Variants in PMP22 observed in about 807,000 individuals in gnomAD.
PMP22 encodes the protein Charcot-Marie-Tooth neuropathy 1A (greatly reduced nerve conduction velocity, hereditary motor sensory neuropathy Ia).
In PMP22, 2 loss-of-function variants were observed where a neutral mutation model predicts 18.9. The observed-to-expected ratio is 0.11, with a 90% CI of 0.04 to 0.33. PMP22 has a LOEUF of 0.33. Among genes scored for constraint, PMP22 ranks in the 10% least tolerant of loss-of-function variants. The pLI is 1.00. For synonymous variants in PMP22, 95 were observed against 89.2 expected (o/e 1.07, Z -0.37); for missense variants, 169 against 202.2 (o/e 0.84, Z 1.00).
intron 4 of PMP22, among the ~76,000 whole-genome samples, chr17:15,235,903 C>T (rs1019401179): frequency 4.6e-5 from 7 of 151,984 alleles, no homozygotes. Context: ...TACAGGCACG[C>T]ACCACCACGC....
Position 15,256,566 on chromosome 17 carries a change from A to T in PMP22, c.178+2528T>A, listed in dbSNP as rs1908848948. On this transcript the variant is annotated intron_variant, in intron 3 of 4. Coordinates refer to ENST00000312280, the MANE Select transcript of PMP22 (RefSeq NM_000304.4). ...TGAGGCAGGAAAATCGCTTGAACCCAGGAGGTGGAGGTTGTAGTCAGCCGA... is the reference window on the plus strand; with the variant it reads ...TGAGGCAGGAAAATCGCTTGAACCCTGGAGGTGGAGGTTGTAGTCAGCCGA... Among the ~76,000 whole-genome samples, 5 of 152,150 alleles carry T rather than the reference A, an allele frequency of 3.3e-5. No individual in the cohort carries two copies. The South Asian group carries it at 1.0e-3, about 32-fold the overall frequency.
At chr17:15,239,157 T>A (rs1907066795) in intron 4 of PMP22, among the ~76,000 whole-genome samples, 1 of 152,240 alleles carries the variant, frequency 6.6e-6, no homozygotes, top group Non-Finnish European at 1.5e-5. Flanking sequence ...CACCTCTGAT[T>A]ATGTGTCCAG....
At chr17:15,256,844 G>A (rs1341383002) in intron 3 of PMP22, among the ~76,000 whole-genome samples, 1 of 152,182 alleles carries the variant, frequency 6.6e-6, no homozygotes, top group Non-Finnish European at 1.5e-5. Context: ...AGAGGCCCTG[G>A]AGGATTCGCC....
At chr17:15,238,748 C>T (rs928574171) in intron 4 of PMP22, among the ~76,000 whole-genome samples, 1 of 151,544 alleles carries the variant, frequency 6.6e-6, no homozygotes, top group African/African-American at 2.5e-5. Context: ...CCCTGTGTAA[C>T]AGAAGTTTCT....
At chr17:15,253,927 G>A (rs1025551331) in intron 3 of PMP22, among the ~76,000 whole-genome samples, 1 of 152,136 alleles carries the variant, frequency 6.6e-6, no homozygotes, top group South Asian at 2.1e-4. Flanking sequence ...ATAAGCTCTT[G>A]TTCACTCTTG....
At chr17:15,257,854 C>T (rs559763927) in intron 3 of PMP22, among the ~76,000 whole-genome samples, 82 of 152,314 alleles carry the variant, frequency 5.4e-4, no homozygotes, top group Non-Finnish European at 7.4e-4. Context: ...CTACTCCTTG[C>T]GTATCTTCTC....
intron 4 of PMP22, among the ~76,000 whole-genome samples, chr17:15,236,684 T>C (rs138276714): frequency 6.6e-6 from 1 of 152,328 alleles, no homozygotes; most frequent in African/African-American, 2.4e-5. Flanking sequence ...TCTACTTAGC[T>C]CTCTAATTAC....
At chr17:15,252,396 T>TTGCTGCTGCTGC (rs111928632) in intron 3 of PMP22, among the ~76,000 whole-genome samples, 4 of 151,090 alleles carry the variant, frequency 2.6e-5, no homozygotes, top group East Asian at 3.9e-4. Flanking sequence ...GAGTTTGCTG[T>TTGCTGCTGCTGC]TGCTGCTGCT....
At chr17:15,251,380 G>A (rs1908330233) in intron 3 of PMP22, among the ~76,000 whole-genome samples, 1 of 152,092 alleles carries the variant, frequency 6.6e-6, no homozygotes, top group Non-Finnish European at 1.5e-5. Flanking sequence ...CAATGGCAGG[G>A]ACCTGCTCTT....
chr17:15,238,552 C>A (rs566109561), intron 4 of PMP22, among the ~76,000 whole-genome samples: 1 of 152,290 alleles, frequency 6.6e-6, no homozygotes, highest in East Asian at 1.9e-4. Context: ...ACCACAGAAT[C>A]CACCACTACA....
At chr17:15,254,440 C>T (rs1038724035) in intron 3 of PMP22, among the ~76,000 whole-genome samples, 7 of 152,248 alleles carry the variant, frequency 4.6e-5, no homozygotes, top group South Asian at 4.2e-4. Flanking sequence ...AAGAAGGAAA[C>T]GCGTCAAGTC....
At chr17:15,263,987 T>C (rs747117473) in intron 1 of PMP22, among the ~76,000 whole-genome samples, 19 of 152,170 alleles carry the variant, frequency 1.2e-4, no homozygotes, top group Non-Finnish European at 2.5e-4. Flanking sequence ...TTCACTGAGC[T>C]TCAGTTTTCT....
At chr17:15,231,252 A>G (rs962315011) in intron 4 of PMP22, among the ~76,000 whole-genome samples, 172 bp from the exon 5 acceptor site, 179 of 152,350 alleles carry the variant, frequency 1.2e-3, no homozygotes, top group African/African-American at 4.2e-3. Context: ...TATGGGAACA[A>G]GGAAAACAAC....
chr17:15,237,074 A>C (rs1292998558), intron 4 of PMP22, among the ~76,000 whole-genome samples: 1 of 152,238 alleles, frequency 6.6e-6, no homozygotes, highest in Admixed American at 6.5e-5. Context: ...AAGAGGACAA[A>C]GTCATGCGCT....
At chr17:15,253,198 G>T (rs763424713) in intron 3 of PMP22, among the ~76,000 whole-genome samples, 31 of 152,248 alleles carry the variant, frequency 2.0e-4, no homozygotes, top group South Asian at 4.2e-4. Context: ...CCAGGAACTG[G>T]CCTCATTCAA....
intron 3 of PMP22, among the ~76,000 whole-genome samples, chr17:15,249,725 A>G (rs1908155583): frequency 6.6e-6 from 1 of 152,188 alleles, no homozygotes; most frequent in African/African-American, 2.4e-5. Context: ...GCAATCGTCA[A>G]CTGTTTGAAG....
chr17:15,263,985 G>C (rs1028448594), intron 1 of PMP22, among the ~76,000 whole-genome samples: 2 of 152,140 alleles, frequency 1.3e-5, no homozygotes, highest in Admixed American at 1.3e-4. Context: ...AGTTCACTGA[G>C]CTTCAGTTTT....
At chr17:15,257,994 C>G (rs1908988178) in intron 3 of PMP22, among the ~76,000 whole-genome samples, 1 of 152,158 alleles carries the variant, frequency 6.6e-6, no homozygotes, top group Non-Finnish European at 1.5e-5. Context: ...AGGGAAAGTC[C>G]AGCAAAGCAA....
chr17:15,238,036 T>C (rs541561949), intron 4 of PMP22, among the ~76,000 whole-genome samples: 1 of 152,148 alleles, frequency 6.6e-6, no homozygotes, highest in East Asian at 1.9e-4. Context: ...GTTACAGTTG[T>C]TTTTATTCCA....
Sources: gnomAD v4.1 joint callset for allele counts (sites outside exome capture counted in the v4.1 genomes callset) on GRCh38, gnomAD v4.1.1 for gene constraint, MANE v1.5 for transcripts, NCBI Gene and HGNC (gene_info 2026-07-23, HGNC 2026-07-21) for gene names.